NUP107: variants seen among roughly 807,000 people sequenced by gnomAD.
NUP107 encodes nuclear pore complex protein Nup107.
In NUP107, 101 loss-of-function variants were observed where a neutral mutation model predicts 141.0. That is an observed-to-expected ratio of 0.72 (90% CI 0.61 to 0.84). The LOEUF (loss-of-function observed/expected upper bound fraction) is 0.84. NUP107 is among the 40% of genes least tolerant of loss of function. The probability of loss-of-function intolerance (pLI) is 0.00; values close to 1 mark genes in which losing one functional copy is unlikely to be tolerated. For synonymous variants in NUP107, 319 were observed against 363.9 expected, an observed-to-expected ratio of 0.88 and a Z score of 1.41; for missense variants, 941 against 1,102.7, an observed-to-expected ratio of 0.85 and a Z score of 2.08.
intron 20 of NUP107, among the ~76,000 whole-genome samples, chr12:68,728,883 T>C (rs952227050): frequency 3.3e-5 from 5 of 152,184 alleles, no homozygotes; most frequent in African/African-American, 1.2e-4. Context: ...AATTGTCTAT[T>C]TGAAATGGAC....
At chr12:68,705,980 A>G in intron 8 of NUP107, 2 of 902,286 alleles carry the variant, frequency 2.2e-6, no homozygotes, top group South Asian at 2.6e-5. Flanking sequence ...CAGCAGCAGA[A>G]CAAGATGCTG....
At chr12:68,694,465 A>G (rs1207233151) in intron 5 of NUP107, among the ~76,000 whole-genome samples, 2 of 152,266 alleles carry the variant, frequency 1.3e-5, no homozygotes, top group Non-Finnish European at 2.9e-5. Flanking sequence ...GAATACAATC[A>G]GCAAAGTGAA....
rs752342636 is a variant in NUP107, at chr12:68,692,046, C to A, written c.382C>A (p.His128Asn). The stretch of plus-strand genomic sequence containing the variant: ...CGGGCTGTTCACAAACACAGAGCCC[C>A]ACAGTATAACAGAAGATGTAACTAT... ...RSGLFTNTEP[H>N]SITEDVTISA... The change falls in exon 5 of 28, where the codon CAC (histidine) becomes AAC (asparagine). Residue 128 changes from histidine (H) to asparagine (N), a missense_variant. Coordinates refer to ENST00000229179, the MANE Select transcript of NUP107 (RefSeq NM_020401.4). 4.3e-6 allele frequency: 7 copies of A among 1,612,060 alleles called. No homozygotes were observed. The South Asian group carries it at 4.4e-5, about 10-fold the overall frequency.
chr12:68,738,629 G>A (rs932786742), intron 26 of NUP107, among the ~76,000 whole-genome samples: 4 of 152,132 alleles, frequency 2.6e-5, no homozygotes, highest in East Asian at 1.9e-4. Context: ...TGCTGTTTTC[G>A]TATAGCTACC....
chr12:68,694,578 AC>A (rs891073472), intron 5 of NUP107, among the ~76,000 whole-genome samples: 23 of 152,318 alleles, frequency 1.5e-4, no homozygotes, highest in East Asian at 1.9e-4. Flanking sequence ...CAACAAAAAA[AC>A]AACCCAATTT....
At position 68,742,906 on chromosome 12, in the gene NUP107, C is replaced by T. The variant is rs1878380502; in HGVS notation, c.*444C>T. The T allele has an allele frequency of 6.6e-6, 1 of 152,120 alleles. No homozygotes were observed. The highest frequency in any genetic ancestry group is 2.4e-5 in the African/African-American group (1 of 41,422). The allele number at this position is 152,120 out of a possible 1,614,324, so 9.4% of individuals were successfully genotyped here. A position where few individuals can be genotyped will look rare whatever the true frequency, so the allele number is the denominator to read the frequency against. On this transcript the variant is annotated 3_prime_UTR_variant, in exon 28 of 28. Coordinates refer to ENST00000229179, the MANE Select transcript of NUP107 (RefSeq NM_020401.4). The stretch of plus-strand genomic sequence containing the variant: ...TATAACAAGAATTTTTCTAACATAA[C>T]ATGCTATTATTATTTTAGTTATTTT...
chr12:68,695,960 T>C (rs1438128468), intron 5 of NUP107, among the ~76,000 whole-genome samples: 1 of 151,124 alleles, frequency 6.6e-6, no homozygotes, highest in Non-Finnish European at 1.5e-5. Context: ...TGAGCCATGA[T>C]TGCACCACTG....
Position 68,731,589 on chromosome 12 carries a change from C to T in NUP107, c.1886-18C>T. ...AATGATTAATCTTTGTTTTTTGTCG[C>T]TTCAAAAAATTATTTAGATTTGGAT... On this transcript the variant is annotated intron_variant, in intron 21 of 27. Transcript: ENST00000229179. 2 of 1,454,972 alleles carry T rather than the reference C, an allele frequency of 1.4e-6. No individual in the cohort carries two copies. Among genetic ancestry groups the T allele is most frequent in the Non-Finnish European group, 1.9e-6 (2 of 1,079,680 alleles). The allele number at this position is 1,454,972 out of a possible 1,614,324, so 90.1% of individuals were successfully genotyped here. A position where few individuals can be genotyped will look rare whatever the true frequency, so the allele number is the denominator to read the frequency against.
At chr12:68,726,412 A>G in intron 18 of NUP107, 87 bp from the exon 19 acceptor site, 1 of 807,474 alleles carries the variant, frequency 1.2e-6, no homozygotes, top group Non-Finnish European at 2.1e-6. Flanking sequence ...AAAGCACTAT[A>G]GGAGTGAAAT....
chr12:68,732,928 C>A, intron 23 of NUP107, 189 bp downstream of exon 23: 1 of 408,106 alleles, frequency 2.5e-6, no homozygotes, highest in Non-Finnish European at 4.4e-6. Context: ...AGCAATCCTC[C>A]CACCTCAGCC....
At chr12:68,703,102 G>C (rs1048947276) in intron 8 of NUP107, among the ~76,000 whole-genome samples, 3 of 151,988 alleles carry the variant, frequency 2.0e-5, no homozygotes, top group African/African-American at 7.2e-5. Context: ...CACCTTGGCC[G>C]CCCAAAGTGG....
intron 10 of NUP107, 84 bp downstream of exon 10, chr12:68,710,177 C>G: frequency 1.4e-6 from 1 of 721,714 alleles, no homozygotes; most frequent in Non-Finnish European, 2.4e-6. Context: ...TCAGTTTTTA[C>G]TTTGTTCACA....
chr12:68,717,054 C>T (rs543540530), intron 12 of NUP107, among the ~76,000 whole-genome samples: 5 of 152,208 alleles, frequency 3.3e-5, no homozygotes, highest in Admixed American at 1.3e-4. Context: ...CACGCCTCCA[C>T]GCCTGGCTAA....
intron 12 of NUP107, among the ~76,000 whole-genome samples, chr12:68,717,005 C>A (rs1456702976): frequency 6.6e-6 from 1 of 151,972 alleles, no homozygotes; most frequent in Non-Finnish European, 1.5e-5. Context: ...TCAAGCAATT[C>A]TCCTGCCTCA....
intron 18 of NUP107, among the ~76,000 whole-genome samples, chr12:68,726,037 G>T (rs1014144074): frequency 2.6e-5 from 4 of 151,902 alleles, no homozygotes; most frequent in Non-Finnish European, 5.9e-5. Flanking sequence ...GGGTTTCGCT[G>T]TTGGCCAGGC....
At chr12:68,696,780 C>G in intron 5 of NUP107, 39 bp from the exon 6 acceptor site, 1 of 1,164,548 alleles carries the variant, frequency 8.6e-7, no homozygotes, top group Non-Finnish European at 1.2e-6. Flanking sequence ...CGTCACTTAA[C>G]TTTTCTTTAT....
At position 68,702,788 on chromosome 12, in the gene NUP107, A is replaced by C. The variant is rs1876395604; in HGVS notation, c.729+4A>C. The C allele has an allele frequency of 6.8e-7, 1 of 1,478,230 alleles. No homozygotes were observed. Among genetic ancestry groups the C allele is most frequent in the Non-Finnish European group, 9.2e-7 (1 of 1,086,532 alleles). The allele number at this position is 1,478,230 out of a possible 1,614,324, so 91.6% of individuals were successfully genotyped here. On this transcript the variant is annotated splice_donor_region_variant and intron_variant, in intron 8 of 27. Transcript: ENST00000229179. ...GGAAAGTGTATTCGCAGTTACTGTA[A>C]GTTTTATATTAATTTTTTCTTTTAT...
intron 5 of NUP107, among the ~76,000 whole-genome samples, chr12:68,693,731 AG>A (rs1327560075): frequency 6.6e-6 from 1 of 152,208 alleles, no homozygotes. Flanking sequence ...CTTGGTTCTC[AG>A]TCTGAGCAGC....
intron 8 of NUP107, chr12:68,706,645 A>AT: frequency 1.4e-6 from 1 of 719,148 alleles, no homozygotes; most frequent in Non-Finnish European, 2.6e-6. Flanking sequence ...GCAGATGCTG[A>AT]GCAGCATGGG....
Sources: gnomAD v4.1 joint callset for allele counts (sites outside exome capture counted in the v4.1 genomes callset) on GRCh38, gnomAD v4.1.1 for gene constraint, MANE v1.5 for transcripts, NCBI Gene and HGNC (gene_info 2026-07-23, HGNC 2026-07-21) for gene names.